PCDHA10: variants seen among roughly 807,000 people sequenced by gnomAD.
The protein encoded by PCDHA10 is protocadherin alpha-10.
A neutral mutation model predicts 61.2 loss-of-function variants in PCDHA10; 45 were observed. The ratio of observed to expected loss-of-function variants is 0.74; its 90% confidence interval spans 0.58 to 0.94. The LOEUF (loss-of-function observed/expected upper bound fraction) is 0.94, where lower values mean the gene tolerates loss of function less well. Among genes scored for constraint, PCDHA10 ranks in the 40% least tolerant of loss-of-function variants. The probability of loss-of-function intolerance (pLI) is 0.00; values close to 1 mark genes in which losing one functional copy is unlikely to be tolerated. For synonymous variants in PCDHA10, 602 were observed against 548.8 expected, an observed-to-expected ratio of 1.10 and a Z score of -1.35; for missense variants, 1,278 against 1,236.2, an observed-to-expected ratio of 1.03 and a Z score of -0.51.
intron 1 of PCDHA10, among the ~76,000 whole-genome samples, chr5:140,939,732 G>C (rs2092446551): frequency 6.6e-6 from 1 of 152,168 alleles, no homozygotes; most frequent in African/African-American, 2.4e-5. Context: ...GTTGTGTGTA[G>C]CTGTGTATCA....
At chr5:140,966,641 A>C in intron 1 of PCDHA10, 5 of 1,104,534 alleles carry the variant, frequency 4.5e-6, no homozygotes, top group Non-Finnish European at 6.0e-6. Flanking sequence ...GGCGCTTTCT[A>C]GAGCGTGAGC....
chr5:140,999,854 C>T (rs1459226420), intron 3 of PCDHA10, among the ~76,000 whole-genome samples: 4 of 152,112 alleles, frequency 2.6e-5, no homozygotes, highest in Admixed American at 1.3e-4. Context: ...TTATCTCTTC[C>T]GCTCCAAGAT....
In PCDHA10 at chr5:141,008,942, A is replaced by G. The variant is rs544111760; in HGVS notation, c.2537-685A>G. Among the ~76,000 whole-genome samples the G allele has an allele frequency of 1.5e-4, 23 of 152,326 alleles. No homozygotes were observed. In the South Asian group the frequency reaches 4.8e-3, roughly 32 times the overall value. On this transcript the variant is annotated intron_variant, in intron 3 of 3. Transcript: ENST00000307360. ...ATTCAGCTAATTTTTCTTGTTTTGG[A>G]CAAAATAGACATCCTAATACATTTA...
chr5:140,857,184 G>C lies in PCDHA10; in HGVS notation c.1136G>C (p.Gly379Ala). 6.3e-7 allele frequency: 1 copy of C among 1,598,552 alleles called. No individual in the cohort carries two copies. ...ALISVSDHDS[G>A]ANGQVTCSLT... Reference sequence around the variant, plus strand: ...ATCAGCGTTTCTGACCATGATTCAGGAGCCAACGGACAGGTCACCTGCTCT... The same window carrying C: ...ATCAGCGTTTCTGACCATGATTCAGCAGCCAACGGACAGGTCACCTGCTCT... Residue 379 changes from glycine (G) to alanine (A), a missense_variant, in exon 1 of 4, where the codon GGA (glycine) becomes GCA (alanine). Coordinates refer to ENST00000307360, the MANE Select transcript of PCDHA10 (RefSeq NM_018901.4).
At position 140,928,057 on chromosome 5, in the gene PCDHA10, G is replaced by T. The variant is rs150006101; in HGVS notation, c.2389-50892G>T. 1.4e-4 allele frequency: 234 copies of T among 1,614,060 alleles called. No individual in the cohort carries two copies. Among genetic ancestry groups the T allele is most frequent in the Non-Finnish European group, 1.9e-4 (219 of 1,180,052 alleles). On this transcript the variant is annotated intron_variant, in intron 1 of 3. Transcript: ENST00000307360. ...TAGTGCAGGCCCTTTTCAGCTGACG[G>T]CTTCCTTTGACAACTACTACAGCCT...
intron 1 of PCDHA10, chr5:140,967,316 A>G (rs368129984): frequency 4.3e-6 from 7 of 1,610,310 alleles, no homozygotes; most frequent in African/African-American, 4.0e-5. Context: ...CTCAGTACAG[A>G]CCTACGAGCT....
intron 1 of PCDHA10, among the ~76,000 whole-genome samples, chr5:140,905,949 A>T (rs897929607): frequency 2.0e-5 from 3 of 152,242 alleles, no homozygotes; most frequent in African/African-American, 7.2e-5. Context: ...TTGGAATCCG[A>T]TGTTCAAGGG....
intron 1 of PCDHA10, chr5:140,883,880 C>A: frequency 6.2e-7 from 1 of 1,613,304 alleles, no homozygotes. Context: ...GGTGAGCGCG[C>A]GCGACTCTGG....
chr5:140,877,831 C>T (rs1226856696), intron 1 of PCDHA10: 5 of 1,592,698 alleles, frequency 3.1e-6, no homozygotes, highest in Non-Finnish European at 4.3e-6. Context: ...TTTAAATCCT[C>T]CCAGTGAAGT....
chr5:140,976,623 A>T (rs2096725019), intron 1 of PCDHA10, among the ~76,000 whole-genome samples: 1 of 152,206 alleles, frequency 6.6e-6, no homozygotes, highest in Non-Finnish European at 1.5e-5. Context: ...CTGTCAGCTG[A>T]ACTCAGCAAT....
intron 1 of PCDHA10, among the ~76,000 whole-genome samples, chr5:140,973,960 T>C (rs2096609185): frequency 6.6e-6 from 1 of 152,248 alleles, no homozygotes; most frequent in African/African-American, 2.4e-5. Flanking sequence ...TTTACAGGTG[T>C]CTTTAAATGT....
Position 140,956,487 on chromosome 5 carries a change from C to G in PCDHA10, c.2389-22462C>G, listed in dbSNP as rs2095287981. The stretch of plus-strand genomic sequence containing the variant: ...GCATATGTTGAACCAGTCTTGCATC[C>G]CAGGGATGAAGCCTACTTGATCATG... On this transcript the variant is annotated intron_variant, in intron 1 of 3. Transcript: ENST00000307360. Among the ~76,000 whole-genome samples, 2 of 152,032 alleles carry G rather than the reference C, an allele frequency of 1.3e-5. 1 individual carries two copies. Among genetic ancestry groups the G allele is most frequent in the Admixed American group, 1.3e-4 (2 of 15,252 alleles).
At chr5:141,001,723 A>T (rs936645287) in intron 3 of PCDHA10, among the ~76,000 whole-genome samples, 1 of 152,168 alleles carries the variant, frequency 6.6e-6, no homozygotes, top group Non-Finnish European at 1.5e-5. Flanking sequence ...GGAGCTTGAG[A>T]TATTTTACAA....
intron 3 of PCDHA10, among the ~76,000 whole-genome samples, chr5:140,985,932 G>A (rs1554247524): frequency 6.6e-6 from 1 of 151,798 alleles, no homozygotes; most frequent in African/African-American, 2.4e-5. Flanking sequence ...GTAGAGCCGG[G>A]GTTTCACTGT....
chr5:140,969,781 A>G (rs1017019880), intron 1 of PCDHA10, among the ~76,000 whole-genome samples: 3 of 152,336 alleles, frequency 2.0e-5, no homozygotes, highest in East Asian at 1.9e-4. Flanking sequence ...AGGGGCTATC[A>G]TAGTCACCAC....
intron 3 of PCDHA10, among the ~76,000 whole-genome samples, chr5:140,986,748 A>G (rs2097211627): frequency 6.6e-6 from 1 of 152,220 alleles, no homozygotes; most frequent in Non-Finnish European, 1.5e-5. Flanking sequence ...GGGATCTGGG[A>G]CTAAACAGTG....
chr5:140,925,330 A>G (rs1459062876), intron 1 of PCDHA10, among the ~76,000 whole-genome samples: 2 of 152,132 alleles, frequency 1.3e-5, no homozygotes, highest in African/African-American at 4.8e-5. Context: ...CCTGTATTAA[A>G]AGAAGGATTT....
In PCDHA10 at chr5:141,011,771, G is replaced by A. The variant is rs1327507093; in HGVS notation, c.*1834G>A. On this transcript the variant is annotated 3_prime_UTR_variant, in exon 4 of 4. Transcript: ENST00000307360. ...TCTGACCTCTTTGAAGTTGCAGAATGCTTTGAAATTCTAATGGTATCTGAA... is the reference window on the plus strand; with the variant it reads ...TCTGACCTCTTTGAAGTTGCAGAATACTTTGAAATTCTAATGGTATCTGAA... The A allele has an allele frequency of 1.3e-5, 2 of 153,698 alleles. No individual in the cohort carries two copies. The highest frequency in any genetic ancestry group is 4.8e-5 in the African/African-American group (2 of 41,424). The allele number at this position is 153,698 out of a possible 1,614,324, so 9.5% of individuals were successfully genotyped here.
intron 1 of PCDHA10, chr5:140,929,129 C>T (rs1206531954): frequency 6.2e-7 from 1 of 1,614,052 alleles, no homozygotes; most frequent in South Asian, 1.1e-5. Context: ...GATGTCACTA[C>T]AGTTGAGAGA....
Sources: allele counts gnomAD v4.1 joint callset (sites outside exome capture counted in the v4.1 genomes callset), GRCh38; gene constraint gnomAD v4.1.1; transcripts MANE v1.5; gene names NCBI Gene and HGNC (gene_info 2026-07-23, HGNC 2026-07-21).